LHFPL3: variants seen among roughly 807,000 people sequenced by gnomAD.
The protein encoded by LHFPL3 is LHFPL tetraspan subfamily member 3, also known as LHFPL tetraspan subfamily member 3 protein.
Under a neutral mutation model 19.3 loss-of-function variants are expected in LHFPL3, and 5 were observed. The ratio of observed to expected loss-of-function variants is 0.26; its 90% CI spans 0.14 to 0.54. The LOEUF (loss-of-function observed/expected upper bound fraction) is 0.54, where lower values mean the gene tolerates loss of function less well. Ranked by LOEUF, LHFPL3 falls within the 20% of genes least tolerant of loss-of-function variation. The probability of loss-of-function intolerance (pLI) is 0.94; values close to 1 mark genes in which losing one functional copy is unlikely to be tolerated. For synonymous variants in LHFPL3, 133 were observed against 126.2 expected, an observed-to-expected ratio of 1.05 and a Z score of -0.36; for missense variants, 249 against 307.4, an observed-to-expected ratio of 0.81 and a Z score of 1.42.
At chr7:104,424,890 G>C (rs1240066400) in intron 1 of LHFPL3, among the ~76,000 whole-genome samples, 1 of 151,054 alleles carries the variant, frequency 6.6e-6, no homozygotes, top group African/African-American at 2.4e-5. Context: ...GCTGAGGCAG[G>C]AGAATGGCGT....
At chr7:104,647,258 G>C (rs1354851609) in intron 1 of LHFPL3, among the ~76,000 whole-genome samples, 3 of 152,090 alleles carry the variant, frequency 2.0e-5, no homozygotes, top group Non-Finnish European at 4.4e-5. Context: ...TTTTCAGACA[G>C]GCTCATGGCA....
intron 1 of LHFPL3, among the ~76,000 whole-genome samples, chr7:104,403,481 C>A (rs137959212): frequency 1.1e-3 from 167 of 152,282 alleles, no homozygotes; most frequent in African/African-American, 3.7e-3. Context: ...AAAATTTTGT[C>A]ACAGGAATGA....
At chr7:104,344,145 TGATAA>T (rs1790018634) in intron 1 of LHFPL3, among the ~76,000 whole-genome samples, 1 of 152,138 alleles carries the variant, frequency 6.6e-6, no homozygotes, top group Admixed American at 6.5e-5. Context: ...TAATATATAT[TGATAA>T]GATAATTATA....
At chr7:104,556,190 C>T (rs555492443) in intron 1 of LHFPL3, among the ~76,000 whole-genome samples, 2 of 152,186 alleles carry the variant, frequency 1.3e-5, no homozygotes, top group Admixed American at 1.3e-4. Flanking sequence ...GACATTGGCC[C>T]TCTTCTCACA....
intron 2 of LHFPL3, among the ~76,000 whole-genome samples, chr7:104,786,758 C>T (rs978122234): frequency 1.3e-5 from 2 of 148,874 alleles, no homozygotes; most frequent in Non-Finnish European, 3.0e-5. Flanking sequence ...TTTATATACC[C>T]AATAATGTTG....
In LHFPL3 at chr7:104,575,559, T is replaced by TAA. The variant is rs58118006; in HGVS notation, c.446-161090_446-161089dup. Among the ~76,000 whole-genome samples, 55 of 36,170 alleles carry TAA rather than the reference T, an allele frequency of 1.5e-3. 1 individual carries two copies. The highest frequency in any genetic ancestry group is 2.0e-3 in the East Asian group (2 of 1,014). The allele number at this position is 36,170 out of a possible 152,430, so 23.7% of individuals were successfully genotyped here. A position where few individuals can be genotyped will look rare whatever the true frequency, so the allele number is the denominator to read the frequency against. ...ACAGCTGATAGTGTCCAAAGAGATC[T>TAA]AAAAAAAAAAAAAAAAAAAAAAAAA... On this transcript the variant is annotated intron_variant, in intron 1 of 2. Transcript: ENST00000424859.
At chr7:104,360,144 C>T (rs1469432299) in intron 1 of LHFPL3, among the ~76,000 whole-genome samples, 2 of 152,192 alleles carry the variant, frequency 1.3e-5, no homozygotes, top group Non-Finnish European at 2.9e-5. Context: ...CACACTTATA[C>T]TTTTAAAGGG....
intron 1 of LHFPL3, among the ~76,000 whole-genome samples, chr7:104,547,931 A>G (rs1025852552): frequency 2.6e-5 from 4 of 152,174 alleles, no homozygotes; most frequent in Admixed American, 6.5e-5. Context: ...ATTTGATCTC[A>G]CAGTAAATAT....
intron 1 of LHFPL3, among the ~76,000 whole-genome samples, chr7:104,552,405 C>T (rs1207168604): frequency 3.3e-5 from 5 of 152,128 alleles, no homozygotes; most frequent in Non-Finnish European, 7.4e-5. Context: ...AATTAGAGCT[C>T]AGTGGATTTG....
intron 1 of LHFPL3, among the ~76,000 whole-genome samples, chr7:104,632,927 T>C (rs1178481385): frequency 6.6e-6 from 1 of 152,230 alleles, no homozygotes; most frequent in African/African-American, 2.4e-5. Flanking sequence ...AGTGCTAGAT[T>C]ACAGGCATGA....
At chr7:104,414,083 T>G (rs1221583821) in intron 1 of LHFPL3, among the ~76,000 whole-genome samples, 1 of 150,740 alleles carries the variant, frequency 6.6e-6, no homozygotes, top group African/African-American at 2.4e-5. Flanking sequence ...ACTGTATTCC[T>G]CATTATTTCA....
At chr7:104,524,441 C>T (rs548996980) in intron 1 of LHFPL3, among the ~76,000 whole-genome samples, 1 of 152,180 alleles carries the variant, frequency 6.6e-6, no homozygotes, top group East Asian at 1.9e-4. Context: ...GCAAGTGGAC[C>T]GGCTGGTACT....
intron 1 of LHFPL3, among the ~76,000 whole-genome samples, chr7:104,678,325 A>AGTCTTGCCT (rs1792630787): frequency 6.6e-6 from 1 of 152,220 alleles, no homozygotes; most frequent in South Asian, 2.1e-4. Flanking sequence ...TGACGCCCAG[A>AGTCTTGCCT]GTAAACAGCA....
At chr7:104,809,978 A>G (rs1790435051) in intron 2 of LHFPL3, among the ~76,000 whole-genome samples, 2 of 152,250 alleles carry the variant, frequency 1.3e-5, no homozygotes, top group Non-Finnish European at 2.9e-5. Flanking sequence ...TGCAGGCTGT[A>G]CCAGGCAGGA....
chr7:104,585,380 T>C (rs944546029), intron 1 of LHFPL3, among the ~76,000 whole-genome samples: 4 of 152,008 alleles, frequency 2.6e-5, no homozygotes, highest in African/African-American at 9.7e-5. Flanking sequence ...CTCTTCAGCA[T>C]TCGTCATCAT....
chr7:104,340,808 C>G (rs1259465150), intron 1 of LHFPL3, among the ~76,000 whole-genome samples: 1 of 152,102 alleles, frequency 6.6e-6, no homozygotes, highest in African/African-American at 2.4e-5. Context: ...ACTAGCTCTT[C>G]CATTTTATTT....
chr7:104,720,562 G>A (rs1793470282), intron 1 of LHFPL3, among the ~76,000 whole-genome samples: 1 of 152,124 alleles, frequency 6.6e-6, no homozygotes, highest in Non-Finnish European at 1.5e-5. Context: ...AAACTAAAGA[G>A]CTTCTGCACA....
chr7:104,395,373 C>G (rs562953204), intron 1 of LHFPL3, among the ~76,000 whole-genome samples: 25 of 152,174 alleles, frequency 1.6e-4, no homozygotes, highest in Admixed American at 6.6e-4. Flanking sequence ...ACACATTTCC[C>G]AATTCTTTTA....
intron 1 of LHFPL3, among the ~76,000 whole-genome samples, chr7:104,622,594 A>C (rs957988136): frequency 6.6e-6 from 1 of 152,102 alleles, no homozygotes; most frequent in Non-Finnish European, 1.5e-5. Context: ...ACCCATTAGC[A>C]ATCACTTCCC....
Sources: gnomAD v4.1 joint callset for allele counts (sites outside exome capture counted in the v4.1 genomes callset) on GRCh38, gnomAD v4.1.1 for gene constraint, MANE v1.5 for transcripts, NCBI Gene and HGNC (gene_info 2026-07-23, HGNC 2026-07-21) for gene names.